NBEA: variants seen among roughly 807,000 people sequenced by gnomAD.
NBEA encodes the protein neurobeachin.
Under a neutral mutation model 343.4 loss-of-function variants are expected in NBEA, and 44 were observed. The observed-to-expected ratio is 0.13, with a 90% CI of 0.10 to 0.16. The LOEUF (loss-of-function observed/expected upper bound fraction) is 0.16. NBEA is among the 10% of genes least tolerant of loss of function. The pLI is 1.00. For missense variants in NBEA, 2,555 were observed against 3,631.3 expected, an observed-to-expected ratio of 0.70 and a Z score of 7.62; for synonymous variants, 1,175 against 1,238.7, an observed-to-expected ratio of 0.95 and a Z score of 1.08.
At chr13:35,546,488 A>G (rs2079065142) in intron 41 of NBEA, among the ~76,000 whole-genome samples, 1 of 152,006 alleles carries the variant, frequency 6.6e-6, no homozygotes, top group African/African-American at 2.4e-5. Context: ...AGATAGAGTT[A>G]CATGATAACT....
rs1034729090 is a variant in NBEA, at chr13:35,539,822, A to G, written c.6586-10655A>G. Among the ~76,000 whole-genome samples, 21 of 145,318 alleles carry G rather than the reference A, an allele frequency of 1.4e-4. No homozygotes were observed. In the East Asian group the frequency reaches 2.7e-3, roughly 19 times the overall value. On this transcript the variant is annotated intron_variant, in intron 41 of 58. Transcript: ENST00000379939. ...TCCCAGCTACTCCGGAGGCTGAGGCAGGAGAATGGCGTGAACCCGGGAGGC... is the reference window on the plus strand; with the variant it reads ...TCCCAGCTACTCCGGAGGCTGAGGCGGGAGAATGGCGTGAACCCGGGAGGC...
intron 38 of NBEA, among the ~76,000 whole-genome samples, chr13:35,417,594 TGA>T (rs1204531082): frequency 6.6e-6 from 1 of 152,186 alleles, no homozygotes; most frequent in Non-Finnish European, 1.5e-5. Flanking sequence ...CACTGTGGTC[TGA>T]GAGATAGTTT....
intron 48 of NBEA, among the ~76,000 whole-genome samples, chr13:35,627,066 G>A (rs1211503553): frequency 6.6e-6 from 1 of 152,094 alleles, no homozygotes; most frequent in Non-Finnish European, 1.5e-5. Context: ...AAAATGAAAA[G>A]CAGTTTTTGG....
intron 34 of NBEA, among the ~76,000 whole-genome samples, chr13:35,255,288 T>G (rs996925669): frequency 1.3e-5 from 2 of 152,234 alleles, no homozygotes; most frequent in Non-Finnish European, 2.9e-5. Flanking sequence ...CATGGGATCC[T>G]TGGGGTGTCA....
At position 35,153,188 on chromosome 13, in the gene NBEA, A is replaced by C. The variant is rs535471982; in HGVS notation, c.2446-2586A>C. Among the ~76,000 whole-genome samples, 3 of 151,260 alleles carry C rather than the reference A, an allele frequency of 2.0e-5. No individual in the cohort carries two copies. The South Asian group carries it at 6.3e-4, about 32-fold the overall frequency. On this transcript the variant is annotated intron_variant, in intron 18 of 58. Coordinates refer to ENST00000379939, the MANE Select transcript of NBEA (RefSeq NM_001385012.1). ...GCTGGGACTACAGGTGCCTGCCACC[A>C]CACCCGGGTAATTTTTTGTATTTTT...
intron 1 of NBEA, among the ~76,000 whole-genome samples, chr13:34,979,708 G>A (rs2060294312): frequency 6.6e-6 from 1 of 151,998 alleles, no homozygotes; most frequent in Non-Finnish European, 1.5e-5. Context: ...ATTTTCAGGA[G>A]CACTTTTAAA....
At chr13:35,138,362 C>T (rs2067862104) in intron 17 of NBEA, among the ~76,000 whole-genome samples, 1 of 150,202 alleles carries the variant, frequency 6.7e-6, no homozygotes, top group Non-Finnish European at 1.5e-5. Context: ...TGGTTATGCC[C>T]AAAAATGTGT....
At chr13:35,446,123 A>G (rs934946991) in intron 39 of NBEA, among the ~76,000 whole-genome samples, 8 of 151,894 alleles carry the variant, frequency 5.3e-5, no homozygotes, top group African/African-American at 1.7e-4. Flanking sequence ...GGCTTCATCC[A>G]TGTCCCTACA....
chr13:35,196,903 C>T lies in NBEA; in HGVS notation c.5366+601C>T, dbSNP rs147178917. Among the ~76,000 whole-genome samples, 213 of 152,014 alleles carry T rather than the reference C, an allele frequency of 1.4e-3. No individual in the cohort carries two copies. The East Asian group carries it at 0.028, about 20-fold the overall frequency. On this transcript the variant is annotated intron_variant, in intron 31 of 58. Coordinates refer to ENST00000379939, the MANE Select transcript of NBEA (RefSeq NM_001385012.1). ...AAAGGTATTTTGGCATTTTAGGTATCGAAACTATTTATAACATGGCCCATA... is the reference window on the plus strand; with the variant it reads ...AAAGGTATTTTGGCATTTTAGGTATTGAAACTATTTATAACATGGCCCATA...
At chr13:35,550,412 T>C in intron 41 of NBEA, 65 bp from the exon 42 acceptor site, 1 of 856,478 alleles carries the variant, frequency 1.2e-6, no homozygotes, top group East Asian at 2.6e-5. Context: ...ACTAAGTTAC[T>C]GTCAGAGTAG....
At chr13:35,077,685 A>G (rs559940791) in intron 10 of NBEA, among the ~76,000 whole-genome samples, 9 of 152,262 alleles carry the variant, frequency 5.9e-5, no homozygotes, top group Admixed American at 4.6e-4. Flanking sequence ...TTCAATGGGT[A>G]GAAGAGTTAT....
chr13:35,337,848 A>C (rs1249004733), intron 36 of NBEA, among the ~76,000 whole-genome samples: 1 of 152,100 alleles, frequency 6.6e-6, no homozygotes. Context: ...AATGTGTGGA[A>C]GTTAAACAGG....
chr13:35,014,559 C>G (rs148855019), intron 1 of NBEA, among the ~76,000 whole-genome samples: 318 of 152,290 alleles, frequency 2.1e-3, no homozygotes, highest in Admixed American at 4.9e-3. Flanking sequence ...ACCTAGCTCA[C>G]TAAACTAATG....
At chr13:35,048,462 A>G (rs2062942422) in intron 4 of NBEA, 101 bp from the exon 5 acceptor site, 1 of 1,092,376 alleles carries the variant, frequency 9.2e-7, no homozygotes, top group African/African-American at 1.6e-5. Flanking sequence ...TCTGGTATTT[A>G]TACTTTGATT....
At chr13:35,580,407 C>T (rs1435237084) in intron 45 of NBEA, among the ~76,000 whole-genome samples, 34 of 152,108 alleles carry the variant, frequency 2.2e-4, no homozygotes, top group Admixed American at 2.2e-3. Context: ...TGTAGCCTTA[C>T]CTTTTGACCA....
At chr13:34,973,096 G>A (rs1183873222) in intron 1 of NBEA, among the ~76,000 whole-genome samples, 2 of 152,080 alleles carry the variant, frequency 1.3e-5, no homozygotes, top group Non-Finnish European at 2.9e-5. Context: ...GTCATTTCGG[G>A]TTTTCCAGTA....
intron 17 of NBEA, among the ~76,000 whole-genome samples, chr13:35,132,408 C>T (rs181822929): frequency 6.6e-6 from 1 of 152,270 alleles, no homozygotes; most frequent in Non-Finnish European, 1.5e-5. Flanking sequence ...GATCTGCCCA[C>T]CCCAGCCTCC....
At chr13:35,052,761 G>A (rs968546328) in intron 6 of NBEA, among the ~76,000 whole-genome samples, 1 of 151,786 alleles carries the variant, frequency 6.6e-6, no homozygotes, top group African/African-American at 2.4e-5. Context: ...TTGTAAATAA[G>A]TACTATGGTC....
At chr13:35,135,926 A>G (rs1593464422) in intron 17 of NBEA, among the ~76,000 whole-genome samples, 1 of 152,004 alleles carries the variant, frequency 6.6e-6, no homozygotes, top group South Asian at 2.1e-4. Flanking sequence ...CCCCCTCAAA[A>G]AAAAGAAAAC....
Sources: gnomAD v4.1 joint callset for allele counts (sites outside exome capture counted in the v4.1 genomes callset) on GRCh38, gnomAD v4.1.1 for gene constraint, MANE v1.5 for transcripts, NCBI Gene and HGNC (gene_info 2026-07-23, HGNC 2026-07-21) for gene names.